The following LRP1B variants were observed in gnomAD, a reference collection of about 807,000 sequenced individuals.
LRP1B encodes the protein LDL receptor related protein 1B, also known as low-density lipoprotein receptor-related protein 1B.
In LRP1B, 217 loss-of-function variants were observed where a neutral mutation model predicts 556.6. The observed-to-expected ratio is 0.39, with a 90% CI of 0.35 to 0.44. The LOEUF (loss-of-function observed/expected upper bound fraction) is 0.44. Among genes scored for constraint, LRP1B ranks in the 20% least tolerant of loss-of-function variants. The probability of loss-of-function intolerance (pLI) is 1.00; values close to 1 mark genes in which losing one functional copy is unlikely to be tolerated. For synonymous variants in LRP1B, 2,047 were observed against 1,865.8 expected, an observed-to-expected ratio of 1.10 and a Z score of -2.50; for missense variants, 5,053 against 5,620.8, an observed-to-expected ratio of 0.90 and a Z score of 3.23.
At chr2:141,629,623 AAC>A (rs571297868) in intron 2 of LRP1B, among the ~76,000 whole-genome samples, 127 of 152,240 alleles carry the variant, frequency 8.3e-4, no homozygotes, top group Middle Eastern at 3.4e-3. Flanking sequence ...TTGCCCTGAA[AAC>A]AGTTTCCAAA....
At chr2:140,594,977 T>A (rs569254341) in intron 43 of LRP1B, among the ~76,000 whole-genome samples, 6 of 151,304 alleles carry the variant, frequency 4.0e-5, no homozygotes, top group African/African-American at 1.4e-4. Flanking sequence ...AAATCTATAG[T>A]TTTTACCTGT....
At chr2:140,980,021 T>A (rs1696721105) in intron 18 of LRP1B, among the ~76,000 whole-genome samples, 1 of 152,024 alleles carries the variant, frequency 6.6e-6, no homozygotes, top group African/African-American at 2.4e-5. Context: ...GATTATTATA[T>A]AAAATTTTCG....
chr2:141,112,264 C>T (rs1420717758), intron 7 of LRP1B, among the ~76,000 whole-genome samples: 1 of 152,056 alleles, frequency 6.6e-6, no homozygotes, highest in Non-Finnish European at 1.5e-5. Context: ...ATTTGAGTTG[C>T]CTGCTGCCCA....
chr2:141,523,692 G>C (rs1320569142), intron 2 of LRP1B, among the ~76,000 whole-genome samples: 1 of 152,074 alleles, frequency 6.6e-6, no homozygotes, highest in Non-Finnish European at 1.5e-5. Context: ...AACAGGTTGA[G>C]AGGACTCTAA....
chr2:142,107,916 G>C (rs1442561625), intron 1 of LRP1B, among the ~76,000 whole-genome samples: 1 of 149,770 alleles, frequency 6.7e-6, no homozygotes, highest in Non-Finnish European at 1.5e-5. Flanking sequence ...AAAGTGCTGG[G>C]ATTATAGACA....
intron 22 of LRP1B, 86 bp from the exon 23 acceptor site, chr2:140,903,251 T>A (rs2105224059): frequency 2.1e-6 from 3 of 1,461,300 alleles, no homozygotes; most frequent in Non-Finnish European, 9.3e-7. Context: ...TCTCTAAGCC[T>A]ACAATTAGCC....
In LRP1B at chr2:140,702,176, A is replaced by G. The variant is rs1366627537; in HGVS notation, c.6267T>C (p.Val2089=). 2.5e-6 allele frequency: 4 copies of G among 1,613,650 alleles called. No individual in the cohort carries two copies. Among genetic ancestry groups the G allele is most frequent in the Non-Finnish European group, 3.4e-6 (4 of 1,179,738 alleles). ...LSGSNVDMFS[V]AVFGAYIYWS... is the part of the protein sequence containing the mutation. ...AGTAGATGTAAGCCCCAAAGACTGC[A>G]ACTGAAAACATATCCACATTGCTTC... The change falls in exon 39 of 91, where the codon GTT becomes GTC. Residue 2089 remains valine, a synonymous_variant. Transcript: ENST00000389484.
chr2:142,061,430 C>A lies in LRP1B; in HGVS notation c.82+69218G>T, dbSNP rs556199367. ...GAATTTATTATAACTGCAGTGAACA[C>A]TTCTTTCTAGGGAATACAATAAAGT... On this transcript the variant is annotated intron_variant, in intron 1 of 90. Transcript: ENST00000389484. Among the ~76,000 whole-genome samples, 5 of 152,090 alleles carry A rather than the reference C, an allele frequency of 3.3e-5. No individual in the cohort carries two copies. In the East Asian group the frequency reaches 9.7e-4, roughly 30 times the overall value.
At chr2:142,108,832 G>C (rs1207069209) in intron 1 of LRP1B, among the ~76,000 whole-genome samples, 1 of 152,120 alleles carries the variant, frequency 6.6e-6, no homozygotes, top group East Asian at 1.9e-4. Context: ...CAAGTAAAAA[G>C]GGACAAAAGA....
intron 7 of LRP1B, among the ~76,000 whole-genome samples, chr2:141,145,911 TTTCTTTC>T (rs1269768018): frequency 1.7e-5 from 2 of 114,918 alleles, no homozygotes; most frequent in Non-Finnish European, 3.3e-5. Flanking sequence ...TTTTCTTTTC[TTTCTTTC>T]TTTCTTTTTT....
intron 7 of LRP1B, among the ~76,000 whole-genome samples, chr2:141,175,542 G>T (rs931162089): frequency 3.3e-5 from 5 of 152,112 alleles, no homozygotes; most frequent in Non-Finnish European, 7.4e-5. Context: ...TTCACAGAAG[G>T]CAAGAGTTTG....
At chr2:140,543,346 G>C (rs1023709176) in intron 43 of LRP1B, among the ~76,000 whole-genome samples, 1 of 148,004 alleles carries the variant, frequency 6.8e-6, no homozygotes, top group Non-Finnish European at 1.5e-5. Flanking sequence ...AAAAACAATA[G>C]AGCGAAATCA....
At position 141,569,140 on chromosome 2, in the gene LRP1B, T is replaced by C. The variant is rs1380305324; in HGVS notation, c.206-88607A>G. ...ATTGGAGAAAGGAAAGTAAATCAGA[T>C]ACAGATTCTAACAAATCTCACCTCA... On this transcript the variant is annotated intron_variant, in intron 2 of 90. Transcript: ENST00000389484. Among the ~76,000 whole-genome samples the C allele has an allele frequency of 9.9e-5, 15 of 151,030 alleles. 1 individual carries two copies. Among genetic ancestry groups the C allele is most frequent in the Admixed American group, 8.6e-4 (13 of 15,132 alleles).
chr2:141,837,761 T>C (rs1246304635), intron 1 of LRP1B, among the ~76,000 whole-genome samples: 1 of 152,018 alleles, frequency 6.6e-6, no homozygotes, highest in Non-Finnish European at 1.5e-5. Context: ...TGAATGGAAA[T>C]AAAGGACTAG....
intron 1 of LRP1B, among the ~76,000 whole-genome samples, chr2:142,028,210 C>T (rs544806813): frequency 1.5e-4 from 23 of 151,968 alleles, no homozygotes; most frequent in Middle Eastern, 6.8e-3. Flanking sequence ...ATAGAATAAA[C>T]GCTCCCTTTT....
At chr2:141,500,909 G>A (rs16846309) in intron 2 of LRP1B, among the ~76,000 whole-genome samples, 5,586 of 152,114 alleles carry the variant, frequency 0.037, 359 homozygotes, top group African/African-American at 0.13. Flanking sequence ...AGGATTCTGA[G>A]TACTTCTATT....
intron 11 of LRP1B, among the ~76,000 whole-genome samples, chr2:141,047,626 T>C (rs75902723): frequency 0.011 from 1,663 of 152,260 alleles, 30 homozygotes; most frequent in African/African-American, 0.038. Context: ...CATTTCTTTT[T>C]ATTCCTTTGG....
At chr2:140,728,512 T>C (rs1687669591) in intron 35 of LRP1B, among the ~76,000 whole-genome samples, 1 of 152,176 alleles carries the variant, frequency 6.6e-6, no homozygotes, top group Non-Finnish European at 1.5e-5. Context: ...CAGCAACCCA[T>C]TTCAGAAAAC....
intron 1 of LRP1B, among the ~76,000 whole-genome samples, chr2:141,833,226 A>G (rs915132280): frequency 1.3e-5 from 2 of 151,830 alleles, no homozygotes; most frequent in African/African-American, 2.4e-5. Flanking sequence ...TACAACATAA[A>G]GTATATAATT....
Sources: gnomAD v4.1 joint callset for allele counts (sites outside exome capture counted in the v4.1 genomes callset) on GRCh38, gnomAD v4.1.1 for gene constraint, MANE v1.5 for transcripts, NCBI Gene and HGNC (gene_info 2026-07-23, HGNC 2026-07-21) for gene names.